The following CCDC91 variants were observed in gnomAD, a reference collection of about 807,000 sequenced individuals.
CCDC91 encodes coiled-coil domain-containing protein 91.
A neutral mutation model predicts 63.2 loss-of-function variants in CCDC91; 48 were observed. The observed-to-expected ratio is 0.76, with a 90% confidence interval of 0.60 to 0.97. The LOEUF (loss-of-function observed/expected upper bound fraction) is 0.97, where lower values mean the gene tolerates loss of function less well. Ranked by LOEUF, CCDC91 falls within the 50% of genes least tolerant of loss-of-function variation. The probability of loss-of-function intolerance (pLI) is 0.00; values close to 1 mark genes in which losing one functional copy is unlikely to be tolerated. For synonymous variants in CCDC91, 167 were observed against 165.8 expected, an observed-to-expected ratio of 1.01 and a Z score of -0.06; for missense variants, 500 against 494.6, an observed-to-expected ratio of 1.01 and a Z score of -0.10.
chr12:28,513,609 C>G (rs1348644019), intron 12 of CCDC91, among the ~76,000 whole-genome samples: 1 of 151,846 alleles, frequency 6.6e-6, no homozygotes, highest in African/African-American at 2.4e-5. Flanking sequence ...TGTTCTCTTT[C>G]AGAGAGAGTG....
chr12:28,429,954 G>C (rs1457395228), intron 8 of CCDC91, among the ~76,000 whole-genome samples: 1 of 151,904 alleles, frequency 6.6e-6, no homozygotes, highest in Non-Finnish European at 1.5e-5. Context: ...GACCTTTTGT[G>C]ATTTTGAGTC....
chr12:28,338,162 A>G (rs902331219), intron 6 of CCDC91, among the ~76,000 whole-genome samples: 5 of 152,042 alleles, frequency 3.3e-5, no homozygotes, highest in African/African-American at 1.2e-4. Context: ...ATGGTAGGAT[A>G]TGGTCTTTTA....
chr12:28,240,571 A>G (rs1199906057), intron 1 of CCDC91, among the ~76,000 whole-genome samples: 1 of 152,176 alleles, frequency 6.6e-6, no homozygotes, highest in Non-Finnish European at 1.5e-5. Context: ...AACACATTTT[A>G]AAAGAGACAC....
chr12:28,388,544 C>A (rs977691225), intron 7 of CCDC91, among the ~76,000 whole-genome samples: 2 of 152,080 alleles, frequency 1.3e-5, no homozygotes, highest in African/African-American at 4.8e-5. Flanking sequence ...TAGGAATATA[C>A]CTAACCAAAG....
chr12:28,414,212 A>C (rs1947499700), intron 8 of CCDC91, among the ~76,000 whole-genome samples: 1 of 152,190 alleles, frequency 6.6e-6, no homozygotes, highest in Admixed American at 6.5e-5. Flanking sequence ...TTTACAGCCC[A>C]AAATTTATGA....
intron 11 of CCDC91, among the ~76,000 whole-genome samples, chr12:28,474,798 G>T (rs542495728): frequency 9.2e-5 from 14 of 151,664 alleles, no homozygotes; most frequent in Middle Eastern, 3.4e-3. Flanking sequence ...AAATGTAAAA[G>T]AACAGAAATT....
At chr12:28,392,296 AT>A (rs1945994895) in intron 8 of CCDC91, among the ~76,000 whole-genome samples, 1 of 152,188 alleles carries the variant, frequency 6.6e-6, no homozygotes, top group Non-Finnish European at 1.5e-5. Flanking sequence ...ATTAGCCGGA[AT>A]GGACTTGGTT....
chr12:28,269,039 A>G (rs1325370489), intron 3 of CCDC91, among the ~76,000 whole-genome samples: 1 of 152,176 alleles, frequency 6.6e-6, no homozygotes, highest in Non-Finnish European at 1.5e-5. Context: ...CAGGACAAGT[A>G]CAACCAGAGG....
chr12:28,505,869 C>T (rs1297600965), intron 12 of CCDC91, among the ~76,000 whole-genome samples: 1 of 151,944 alleles, frequency 6.6e-6, no homozygotes, highest in East Asian at 1.9e-4. Context: ...AGAAGTGCTC[C>T]AACGGAGAGC....
At chr12:28,216,517 G>A (rs116619255) in intron 1 of CCDC91, among the ~76,000 whole-genome samples, 1 of 151,888 alleles carries the variant, frequency 6.6e-6, no homozygotes, top group Admixed American at 6.6e-5. Context: ...GGTGGACTTT[G>A]TCTACTCTCC....
intron 7 of CCDC91, among the ~76,000 whole-genome samples, chr12:28,382,938 G>A (rs1945382230): frequency 1.3e-5 from 2 of 151,996 alleles, no homozygotes; most frequent in Non-Finnish European, 2.9e-5. Flanking sequence ...TGGCATCTGA[G>A]GGAGAGGGAT....
At chr12:28,391,227 G>A (rs1358718509) in intron 7 of CCDC91, 77 bp from the exon 8 acceptor site, 8 of 812,790 alleles carry the variant, frequency 9.8e-6, no homozygotes, top group Non-Finnish European at 1.5e-5. Flanking sequence ...ATGTACAACT[G>A]TCAAAAATAT....
intron 12 of CCDC91, among the ~76,000 whole-genome samples, chr12:28,519,054 G>C (rs1297055760): frequency 1.3e-5 from 2 of 151,676 alleles, no homozygotes; most frequent in African/African-American, 2.4e-5. Flanking sequence ...ATATGAATTT[G>C]GGGATAGTTT....
chr12:28,268,935 G>C (rs1947549047), intron 3 of CCDC91, among the ~76,000 whole-genome samples: 1 of 151,982 alleles, frequency 6.6e-6, no homozygotes, highest in African/African-American at 2.4e-5. Flanking sequence ...TGGACTCTTG[G>C]GCCTAGCTGT....
At chr12:28,274,063 A>T (rs963544129) in intron 3 of CCDC91, among the ~76,000 whole-genome samples, 7 of 152,188 alleles carry the variant, frequency 4.6e-5, no homozygotes, top group African/African-American at 1.7e-4. Context: ...GCATATGGCT[A>T]GCTGGTTTTC....
chr12:28,441,671 CAT>C (rs1270460177), intron 8 of CCDC91, among the ~76,000 whole-genome samples: 1 of 145,982 alleles, frequency 6.9e-6, no homozygotes, highest in Non-Finnish European at 1.5e-5. Flanking sequence ...ATATATATCT[CAT>C]ATATATCTCA....
chr12:28,442,042 ATT>A (rs2140231904), intron 8 of CCDC91, among the ~76,000 whole-genome samples: 3 of 152,020 alleles, frequency 2.0e-5, no homozygotes, highest in African/African-American at 7.2e-5. Context: ...AATATTGATA[ATT>A]GTTGAAAGTG....
intron 8 of CCDC91, among the ~76,000 whole-genome samples, chr12:28,431,880 TC>T (rs1383627105): frequency 6.6e-6 from 1 of 152,054 alleles, no homozygotes; most frequent in Non-Finnish European, 1.5e-5. Flanking sequence ...TTCTCAGTGT[TC>T]CACCTAGTCA....
intron 7 of CCDC91, among the ~76,000 whole-genome samples, chr12:28,389,443 T>C (rs1453549447): frequency 6.6e-6 from 1 of 152,146 alleles, no homozygotes; most frequent in African/African-American, 2.4e-5. Flanking sequence ...TTATGCTCCC[T>C]TATCACATCT....
Sources: allele counts gnomAD v4.1 joint callset (sites outside exome capture counted in the v4.1 genomes callset), GRCh38; gene constraint gnomAD v4.1.1; transcripts MANE v1.5; gene names NCBI Gene and HGNC (gene_info 2026-07-23, HGNC 2026-07-21).